PKN2: variants seen among roughly 807,000 people sequenced by gnomAD.
The protein encoded by PKN2 is serine/threonine-protein kinase N2.
PKN2 carries 38 observed loss-of-function variants against 119.1 expected under a neutral mutation model. The observed-to-expected ratio is 0.32, with a 90% CI of 0.25 to 0.42. The LOEUF (loss-of-function observed/expected upper bound fraction) is 0.42. Among genes scored for constraint, PKN2 ranks in the 10% least tolerant of loss-of-function variants. PKN2 has a pLI of 1.00. For missense variants in PKN2, 850 were observed against 1,165.1 expected (o/e 0.73, Z 3.94); for synonymous variants, 390 against 384.9 (o/e 1.01, Z -0.15).
chr1:88,761,015 G>T (rs745329570), intron 3 of PKN2, among the ~76,000 whole-genome samples: 2 of 152,146 alleles, frequency 1.3e-5, no homozygotes, highest in African/African-American at 4.8e-5. Context: ...CCAATGAAAA[G>T]ATGGGACATT....
chr1:88,725,232 T>A (rs955163921), intron 1 of PKN2, among the ~76,000 whole-genome samples: 4 of 152,154 alleles, frequency 2.6e-5, no homozygotes, highest in African/African-American at 9.7e-5. Flanking sequence ...AGGGTAAATA[T>A]CCAAGAGTGT....
chr1:88,829,325 G>A (rs1018699425), intron 19 of PKN2: 22 of 511,774 alleles, frequency 4.3e-5, no homozygotes, highest in East Asian at 4.1e-4. Context: ...AAAAGTATTC[G>A]CTACACCAAC....
At chr1:88,773,774 G>A (rs112613174) in intron 6 of PKN2, among the ~76,000 whole-genome samples, 20 of 151,952 alleles carry the variant, frequency 1.3e-4, no homozygotes, top group African/African-American at 4.6e-4. Context: ...GCAAGACTCC[G>A]CCTCTAAGAA....
intron 17 of PKN2, among the ~76,000 whole-genome samples, chr1:88,822,640 A>G (rs1672342825): frequency 6.7e-6 from 1 of 148,718 alleles, no homozygotes; most frequent in Non-Finnish European, 1.5e-5. Flanking sequence ...AGTGCAATGC[A>G]CAATCTCGGC....
Position 88,824,495 on chromosome 1 carries a change from T to G in PKN2, c.2419+109T>G. On this transcript the variant is annotated intron_variant, in intron 18 of 21. Transcript: ENST00000370521. ...AAACAAACTGTACTTTTAACTTTAT[T>G]CTTCATTAAGACATTGTAGATACAA... The G allele has an allele frequency of 4.5e-6, 3 of 666,612 alleles. No homozygotes were observed. The South Asian group carries it at 5.4e-5, about 12-fold the overall frequency. 41.3% of individuals were successfully genotyped at this position (666,612 alleles called of 1,614,324 possible). A position where few individuals can be genotyped will look rare whatever the true frequency, so the allele number is the denominator to read the frequency against.
At chr1:88,744,091 T>TA (rs11443466) in intron 2 of PKN2, among the ~76,000 whole-genome samples, 10,183 of 152,156 alleles carry the variant, frequency 0.067, 685 homozygotes, top group African/African-American at 0.18. Flanking sequence ...CTTAACAATC[T>TA]AAAAGCAACA....
chr1:88,738,801 A>G (rs574110112), intron 1 of PKN2, among the ~76,000 whole-genome samples: 1 of 152,336 alleles, frequency 6.6e-6, no homozygotes, highest in African/African-American at 2.4e-5. Context: ...AGCTTAAACT[A>G]TTTTTTATCT....
intron 1 of PKN2, among the ~76,000 whole-genome samples, chr1:88,695,802 A>G (rs1263498735): frequency 6.6e-6 from 1 of 152,100 alleles, no homozygotes; most frequent in African/African-American, 2.4e-5. Context: ...GGGGCTTTGC[A>G]TTATCCACTG....
intron 1 of PKN2, chr1:88,684,913 GC>G (rs2100632459): frequency 5.5e-6 from 2 of 364,782 alleles, no homozygotes; most frequent in African/African-American, 4.2e-5. Context: ...GCCTGCTCTC[GC>G]CTGGTCCCCG....
rs1671591093 is a variant in PKN2 at position 88,807,415 on chromosome 1, A to G, written c.1906A>G (p.Ser636Gly). The G allele has an allele frequency of 4.3e-6, 7 of 1,610,406 alleles. No individual in the cohort carries two copies. Among genetic ancestry groups the G allele is most frequent in the African/African-American group, 4.0e-5 (3 of 74,860 alleles). The stretch of plus-strand genomic sequence containing the variant: ...TACTCCTCAGTCAGGCCTAGAATAT[A>G]GTGGTATTCAAGAACTTGAGGACAG... ...PDTPQSGLEY[S>G]GIQELEDRRS... The change falls in exon 13 of 22, where the codon AGT (serine) becomes GGT (glycine). Residue 636 changes from serine (S) to glycine (G), a missense_variant. By Grantham distance (56) the Ser-to-Gly change is moderately conservative. Transcript: ENST00000370521.
chr1:88,739,593 G>GT (rs1371791761), intron 1 of PKN2, among the ~76,000 whole-genome samples: 1 of 152,190 alleles, frequency 6.6e-6, no homozygotes, highest in Non-Finnish European at 1.5e-5. Context: ...GCTGCACAGT[G>GT]TGTCTTTTTC....
intron 2 of PKN2, among the ~76,000 whole-genome samples, chr1:88,756,063 C>T (rs1178869587): frequency 6.6e-6 from 1 of 151,992 alleles, no homozygotes; most frequent in Non-Finnish European, 1.5e-5. Flanking sequence ...AGACGTGTGC[C>T]ACCACACCCA....
chr1:88,684,796 C>T (rs1242815125), intron 1 of PKN2, 168 bp downstream of exon 1: 5 of 570,046 alleles, frequency 8.8e-6, no homozygotes, highest in East Asian at 3.5e-5. Flanking sequence ...AACCGCTTCC[C>T]TGGGGAGCCG....
At chr1:88,802,339 T>TG (rs1236803821) in intron 8 of PKN2, among the ~76,000 whole-genome samples, 1 of 152,086 alleles carries the variant, frequency 6.6e-6, no homozygotes, top group Non-Finnish European at 1.5e-5. Flanking sequence ...TTTTTTTTTT[T>TG]TTTTGAGACA....
intron 1 of PKN2, among the ~76,000 whole-genome samples, chr1:88,691,956 A>C (rs1570480456): frequency 1.3e-5 from 2 of 152,176 alleles, no homozygotes; most frequent in Admixed American, 1.3e-4. Flanking sequence ...ATGTATGTTA[A>C]AGGAAAAGTG....
chr1:88,698,507 A>G (rs1276959573), intron 1 of PKN2, among the ~76,000 whole-genome samples: 1 of 152,268 alleles, frequency 6.6e-6, no homozygotes, highest in Non-Finnish European at 1.5e-5. Flanking sequence ...AGACTTCGCC[A>G]AGTGCTTTGT....
intron 8 of PKN2, among the ~76,000 whole-genome samples, chr1:88,796,541 A>G (rs1008287654): frequency 2.2e-4 from 33 of 152,188 alleles, no homozygotes; most frequent in African/African-American, 7.7e-4. Context: ...ATGATGTACT[A>G]TATACTTCCT....
chr1:88,698,112 G>A (rs908263005), intron 1 of PKN2, among the ~76,000 whole-genome samples: 1 of 152,142 alleles, frequency 6.6e-6, no homozygotes, highest in Non-Finnish European at 1.5e-5. Flanking sequence ...CTACAATGAA[G>A]GTCTTAGAAG....
chr1:88,770,500 A>T, intron 4 of PKN2, 31 bp downstream of exon 4: 1 of 1,124,250 alleles, frequency 8.9e-7, no homozygotes, highest in Admixed American at 1.7e-5. Context: ...CCTTCTTATG[A>T]GCATAATGGT....
Sources: gnomAD v4.1 joint callset for allele counts (sites outside exome capture counted in the v4.1 genomes callset) on GRCh38, gnomAD v4.1.1 for gene constraint, MANE v1.5 for transcripts, NCBI Gene and HGNC (gene_info 2026-07-23, HGNC 2026-07-21) for gene names.